KHDRBS3: variants seen among roughly 807,000 people sequenced by gnomAD.
The protein encoded by KHDRBS3 is KH domain-containing, RNA-binding, signal transduction-associated protein 3.
KHDRBS3 carries 23 observed loss-of-function variants against 45.6 expected under a neutral mutation model. The ratio of observed to expected loss-of-function variants is 0.50; its 90% CI spans 0.36 to 0.72. The LOEUF (loss-of-function observed/expected upper bound fraction) is 0.72. Among genes scored for constraint, KHDRBS3 ranks in the 30% least tolerant of loss-of-function variants. The probability of loss-of-function intolerance (pLI) is 0.00; values close to 1 mark genes in which losing one functional copy is unlikely to be tolerated. For missense variants in KHDRBS3, 352 were observed against 424.8 expected (o/e 0.83, Z 1.51); for synonymous variants, 162 against 156.5 (o/e 1.04, Z -0.26).
At chr8:135,464,623 G>T (rs566437526) in intron 1 of KHDRBS3, among the ~76,000 whole-genome samples, 1 of 152,200 alleles carries the variant, frequency 6.6e-6, no homozygotes, top group African/African-American at 2.4e-5. Context: ...TGGAAGGGGG[G>T]AATATGTTTA....
At chr8:135,509,007 C>T (rs1158170076) in intron 1 of KHDRBS3, among the ~76,000 whole-genome samples, 1 of 152,164 alleles carries the variant, frequency 6.6e-6, no homozygotes, top group African/African-American at 2.4e-5. Flanking sequence ...CCATTGGGAC[C>T]AATAAATCTG....
intron 6 of KHDRBS3, among the ~76,000 whole-genome samples, chr8:135,605,263 T>C (rs1489510393): frequency 6.6e-6 from 1 of 152,114 alleles, no homozygotes; most frequent in East Asian, 1.9e-4. Flanking sequence ...AGTATTTATA[T>C]GCTCATGTAT....
chr8:135,548,964 T>C (rs1256055376), intron 4 of KHDRBS3, 64 bp downstream of exon 4: 2 of 1,173,474 alleles, frequency 1.7e-6, no homozygotes, highest in African/African-American at 1.6e-5. Flanking sequence ...TCCTTGATAC[T>C]TCTTGTCTGT....
chr8:135,647,035 C>T lies in KHDRBS3; in HGVS notation c.992C>T (p.Ala331Val), dbSNP rs201292624. The change falls in exon 9 of 9, where the codon GCG (alanine) becomes GTG (valine). Residue 331 changes from alanine to valine, a missense_variant. By Grantham distance (64) the Ala-to-Val change is moderately conservative. Coordinates refer to ENST00000355849, the MANE Select transcript of KHDRBS3 (RefSeq NM_006558.3). ...WTNSRHKAPS[A>V]RTAKGVYRDQ... ...AACTCAAGACACAAGGCACCTTCAG[C>T]GAGGACAGCAAAGGGCGTCTACAGA... is the stretch of plus-strand genomic sequence containing the variant. 1.5e-5 allele frequency: 24 copies of T among 1,610,366 alleles called. No homozygotes were observed. Among genetic ancestry groups the T allele is most frequent in the Middle Eastern group, 1.6e-4 (1 of 6,080 alleles).
At chr8:135,490,056 A>T (rs1356383141) in intron 1 of KHDRBS3, among the ~76,000 whole-genome samples, 1 of 152,182 alleles carries the variant, frequency 6.6e-6, no homozygotes, top group African/African-American at 2.4e-5. Flanking sequence ...GTACAGTAAC[A>T]TGCCACATGC....
chr8:135,550,178 T>C (rs774711420), intron 4 of KHDRBS3, among the ~76,000 whole-genome samples: 1 of 152,096 alleles, frequency 6.6e-6, no homozygotes, highest in Non-Finnish European at 1.5e-5. Context: ...GCAGTGCAGA[T>C]CTAGCCAGGT....
chr8:135,574,749 A>G (rs1827874012), intron 5 of KHDRBS3, among the ~76,000 whole-genome samples: 2 of 152,222 alleles, frequency 1.3e-5, no homozygotes, highest in African/African-American at 4.8e-5. Flanking sequence ...CTCTAGATAT[A>G]TATACTGGAG....
chr8:135,625,519 A>G, intron 7 of KHDRBS3: 3 of 828,608 alleles, frequency 3.6e-6, no homozygotes, highest in Non-Finnish European at 6.3e-6. Context: ...CTGCACTGCT[A>G]GAACTGAGAG....
At chr8:135,636,161 G>A (rs1229295646) in intron 7 of KHDRBS3, among the ~76,000 whole-genome samples, 1 of 152,160 alleles carries the variant, frequency 6.6e-6, no homozygotes, top group Non-Finnish European at 1.5e-5. Context: ...TATGGAAAAG[G>A]CAGCTAGTTG....
chr8:135,588,067 C>T (rs779225186), intron 6 of KHDRBS3, among the ~76,000 whole-genome samples: 11 of 152,154 alleles, frequency 7.2e-5, no homozygotes, highest in Admixed American at 2.6e-4. Context: ...CGCCATTTAC[C>T]AGGAGTTAGC....
chr8:135,499,214 C>T (rs1385326165), intron 1 of KHDRBS3, among the ~76,000 whole-genome samples: 5 of 152,168 alleles, frequency 3.3e-5, no homozygotes. Context: ...AATGACAATA[C>T]ATGTAGGTAA....
intron 1 of KHDRBS3, among the ~76,000 whole-genome samples, chr8:135,479,368 A>G (rs1822452926): frequency 6.6e-6 from 1 of 152,240 alleles, no homozygotes. Context: ...CCTAGCAAAC[A>G]TGTAAGGCAA....
chr8:135,595,970 G>A (rs1434459909), intron 6 of KHDRBS3, among the ~76,000 whole-genome samples: 3 of 152,054 alleles, frequency 2.0e-5, no homozygotes, highest in African/African-American at 7.2e-5. Context: ...GAAAGAAACA[G>A]TCAACAAATA....
chr8:135,597,920 T>C (rs1185739038), intron 6 of KHDRBS3, among the ~76,000 whole-genome samples: 1 of 152,256 alleles, frequency 6.6e-6, no homozygotes, highest in Non-Finnish European at 1.5e-5. Context: ...ACTTCATTGT[T>C]ATTTTGTTTT....
chr8:135,461,562 T>C (rs1821434343), intron 1 of KHDRBS3, among the ~76,000 whole-genome samples: 1 of 152,216 alleles, frequency 6.6e-6, no homozygotes, highest in African/African-American at 2.4e-5. Context: ...TAATTGCAGA[T>C]GAAAGTGGTG....
intron 5 of KHDRBS3, among the ~76,000 whole-genome samples, chr8:135,574,338 A>C (rs771512004): frequency 1.9e-4 from 29 of 152,168 alleles, no homozygotes; most frequent in Non-Finnish European, 4.0e-4. Flanking sequence ...AGCACCTAAA[A>C]AACTAATTTT....
intron 2 of KHDRBS3, among the ~76,000 whole-genome samples, chr8:135,529,309 G>A (rs910656776): frequency 3.3e-5 from 5 of 152,140 alleles, no homozygotes; most frequent in Non-Finnish European, 7.3e-5. Flanking sequence ...CTGGACTTGG[G>A]TCTTGTGACA....
chr8:135,616,319 T>A (rs552928722), intron 7 of KHDRBS3, among the ~76,000 whole-genome samples: 11 of 152,266 alleles, frequency 7.2e-5, no homozygotes, highest in Non-Finnish European at 1.3e-4. Flanking sequence ...CAAAAGCAAC[T>A]AGTAAGGGGG....
chr8:135,494,403 T>G (rs544189474), intron 1 of KHDRBS3, among the ~76,000 whole-genome samples: 2 of 150,664 alleles, frequency 1.3e-5, no homozygotes, highest in South Asian at 4.2e-4. Flanking sequence ...CTCAGCCTCC[T>G]GAGTAGCTGG....
Sources: gnomAD v4.1 joint callset for allele counts (sites outside exome capture counted in the v4.1 genomes callset) on GRCh38, gnomAD v4.1.1 for gene constraint, MANE v1.5 for transcripts, NCBI Gene and HGNC (gene_info 2026-07-23, HGNC 2026-07-21) for gene names.